ATOH8: variants seen among roughly 807,000 people sequenced by gnomAD.
The protein encoded by ATOH8 is atonal bHLH transcription factor 8.
A neutral mutation model predicts 21.2 loss-of-function variants in ATOH8; 9 were observed. The ratio of observed to expected loss-of-function variants is 0.42; its 90% confidence interval spans 0.26 to 0.74. The LOEUF is 0.74. Among genes scored for constraint, ATOH8 ranks in the 30% least tolerant of loss-of-function variants. The pLI, the probability that ATOH8 is intolerant of heterozygous loss-of-function variation, is 0.24. For synonymous variants in ATOH8, 253 were observed against 224.0 expected (o/e 1.13, Z -1.16); for missense variants, 524 against 470.9 (o/e 1.11, Z -1.04).
rs373548607 is a variant in ATOH8 at position 85,754,204 on chromosome 2, G to A, written c.15G>A (p.Pro5=). 208 of 1,595,482 alleles carry A rather than the reference G, an allele frequency of 1.3e-4. 3 individuals carry two copies. In the African/African-American group the frequency reaches 1.7e-3, roughly 13 times the overall value. MKHI[P]VLEDGPWKTV... ...CCGCCCGCGCCATGAAGCACATCCC[G>A]GTCCTCGAGGACGGGCCGTGGAAGA... Residue 5 remains proline (P), a synonymous_variant, in exon 1 of 3, where the codon CCG becomes CCA. Transcript: ENST00000306279.
intron 2 of ATOH8, among the ~76,000 whole-genome samples, chr2:85,782,118 A>G (rs1680512526): frequency 1.3e-5 from 2 of 152,288 alleles, no homozygotes. Context: ...CTCCCATGCC[A>G]TATCTGCTCT....
In ATOH8 at chr2:85,786,486, A is replaced by G. The variant is rs546257260; in HGVS notation, c.961-399A>G. ...CAGCGCAAGGAAGCTGCAGATGGCC[A>G]TTCCAGTGGGACTGAGCCTGCAGAG... On this transcript the variant is annotated intron_variant, in intron 2 of 2. Transcript: ENST00000306279. Among the ~76,000 whole-genome samples the G allele has an allele frequency of 3.0e-3, 461 of 152,292 alleles. 1 individual carries two copies. The highest frequency in any genetic ancestry group is 5.4e-3 in the Non-Finnish European group (365 of 68,010).
In ATOH8 at chr2:85,790,972, G is replaced by A. The variant is rs1429141292; in HGVS notation, c.*4082G>A. ...GAAACCCTTTGAGTGGATCTGTACC[G>A]TTGTTCTCGTCTTGCTCTCTTGCTG... On this transcript the variant is annotated 3_prime_UTR_variant, in exon 3 of 3. Transcript: ENST00000306279. Among the ~76,000 whole-genome samples, 4 of 152,312 alleles carry A rather than the reference G, an allele frequency of 2.6e-5. No individual in the cohort carries two copies. The highest frequency in any genetic ancestry group is 2.1e-4 in the South Asian group (1 of 4,826).
chr2:85,754,289 G>A lies in ATOH8; in HGVS notation c.100G>A (p.Ala34Thr). Residue 34 changes from alanine to threonine, a missense_variant, in exon 1 of 3, where the codon GCG (alanine) becomes ACG (threonine). Coordinates refer to ENST00000306279, the MANE Select transcript of ATOH8 (RefSeq NM_032827.7). ...KKLKRKGKEP[A>T]RRANGYKTFR... ...GCTCAAGCGGAAAGGCAAGGAGCCG[G>A]CGCGGCGCGCGAACGGCTATAAAAC... is the stretch of plus-strand genomic sequence containing the variant. The A allele has an allele frequency of 6.2e-7, 1 of 1,610,184 alleles. No homozygotes were observed. The highest frequency in any genetic ancestry group is 8.5e-7 in the Non-Finnish European group (1 of 1,178,920).
rs542750351 is a variant in ATOH8 at position 85,784,286 on chromosome 2, C to T, written c.961-2599C>T. Among the ~76,000 whole-genome samples the T allele has an allele frequency of 7.9e-5, 12 of 152,268 alleles. No homozygotes were observed. In the East Asian group the frequency reaches 2.3e-3, roughly 29 times the overall value. On this transcript the variant is annotated intron_variant, in intron 2 of 2. Transcript: ENST00000306279. ...GAAGGCTGGCTGCAGTGGCTCACACCTGTAAGTTTGGGAGGCTGAGGCGAG... is the reference window on the plus strand; with the variant it reads ...GAAGGCTGGCTGCAGTGGCTCACACTTGTAAGTTTGGGAGGCTGAGGCGAG...
intron 2 of ATOH8, chr2:85,773,129 C>A: frequency 3.1e-6 from 1 of 325,176 alleles, no homozygotes; most frequent in Non-Finnish European, 5.9e-6. Context: ...ACAATGTCTC[C>A]TCAGAGGGAG....
intron 2 of ATOH8, among the ~76,000 whole-genome samples, chr2:85,767,580 T>TTCCCTCCCCTGCCCTCCCCTCCCCTCC (rs1680052335): frequency 1.3e-5 from 1 of 79,234 alleles, no homozygotes; most frequent in Non-Finnish European, 2.5e-5. Flanking sequence ...CCCTCCCCTC[T>TTCCCTCCCCTGCCCTCCCCTCCCCTCC]CCTTCCCTTC....
chr2:85,788,880 G>C lies in ATOH8; in HGVS notation c.*1990G>C, dbSNP rs1404832434. Among the ~76,000 whole-genome samples, 1 of 152,166 alleles carries C rather than the reference G, an allele frequency of 6.6e-6. No homozygotes were observed. On this transcript the variant is annotated 3_prime_UTR_variant, in exon 3 of 3. Transcript: ENST00000306279. ...GGCACAGAAACAGGGGACCCAGGTG[G>C]CCCTGAGCACTCCTCAGAGCAAAGG... is the stretch of plus-strand genomic sequence containing the variant.
At chr2:85,761,617 CT>C (rs1259161051) in intron 1 of ATOH8, among the ~76,000 whole-genome samples, 1 of 152,182 alleles carries the variant, frequency 6.6e-6, no homozygotes, top group Admixed American at 6.5e-5. Flanking sequence ...AGAGCTGGGT[CT>C]TTAAGGGAAA....
At chr2:85,786,839 C>G in intron 2 of ATOH8, 46 bp from the exon 3 acceptor site, 1 of 1,613,520 alleles carries the variant, frequency 6.2e-7, no homozygotes, top group Non-Finnish European at 8.5e-7. Context: ...GAAACAGGAA[C>G]CAGGTGGAGC....
Position 85,781,147 on chromosome 2 carries a change from C to CT in ATOH8, c.961-5734dup, listed in dbSNP as rs540613167. 14 of 929,776 alleles carry CT rather than the reference C, an allele frequency of 1.5e-5. No individual in the cohort carries two copies. In the East Asian group the frequency reaches 1.4e-3, roughly 93 times the overall value. 57.6% of individuals were successfully genotyped at this position (929,776 alleles called of 1,614,324 possible). A position where few individuals can be genotyped will look rare whatever the true frequency, so the allele number is the denominator to read the frequency against. On this transcript the variant is annotated intron_variant, in intron 2 of 2. Coordinates refer to ENST00000306279, the MANE Select transcript of ATOH8 (RefSeq NM_032827.7). ...ATGCAGCTTGTACAGCGTAATTCCA[C>CT]TTTTCGTAAAATACTGTATGTGAGT...
At position 85,790,561 on chromosome 2, in the gene ATOH8, C is replaced by T. The variant is rs1309718390; in HGVS notation, c.*3671C>T. ...CTATGCTCCTTCCTGTCTCCATGGC[C>T]ACATCCTTCAAGGCTCTGTGCTGTT... is the stretch of plus-strand genomic sequence containing the variant. On this transcript the variant is annotated 3_prime_UTR_variant, in exon 3 of 3. Transcript: ENST00000306279. 6.6e-6 allele frequency among the ~76,000 whole-genome samples: 1 copy of T among 152,206 alleles called. No homozygotes were observed. Among genetic ancestry groups the T allele is most frequent in the African/African-American group, 2.4e-5 (1 of 41,458 alleles).
chr2:85,781,336 G>A (rs1413952602), intron 2 of ATOH8, among the ~76,000 whole-genome samples: 1 of 152,030 alleles, frequency 6.6e-6, no homozygotes. Flanking sequence ...GGAGGCTGAG[G>A]TGGGCGGATC....
At chr2:85,756,541 C>T (rs1346490773) in intron 1 of ATOH8, among the ~76,000 whole-genome samples, 6 of 152,132 alleles carry the variant, frequency 3.9e-5, no homozygotes, top group African/African-American at 1.4e-4. Context: ...CCCTTGTGCT[C>T]CTCTATTGCC....
intron 1 of ATOH8, among the ~76,000 whole-genome samples, chr2:85,763,571 G>T (rs1383213193): frequency 6.6e-6 from 1 of 152,102 alleles, no homozygotes; most frequent in Non-Finnish European, 1.5e-5. Context: ...ATTCATTGTT[G>T]CACTCCCCAA....
At chr2:85,762,104 C>G (rs965092650) in intron 1 of ATOH8, among the ~76,000 whole-genome samples, 1 of 152,158 alleles carries the variant, frequency 6.6e-6, no homozygotes, top group Non-Finnish European at 1.5e-5. Context: ...GCAAGACCAA[C>G]CATAATGCTT....
In ATOH8 at chr2:85,755,307, G is replaced by A. The variant is rs373722464; in HGVS notation, c.768+350G>A. Among the ~76,000 whole-genome samples the A allele has an allele frequency of 8.2e-4, 125 of 152,318 alleles. 4 individuals are homozygous for A. The South Asian group carries it at 0.02, about 25-fold the overall frequency. The stretch of plus-strand genomic sequence containing the variant: ...TGCGGAGTGGAGAGGGGAAATGTGG[G>A]AATCTGTCAGCGGAGGAAGGGGGGA... On this transcript the variant is annotated intron_variant, in intron 1 of 2. Transcript: ENST00000306279.
chr2:85,780,212 C>T (rs1375887394), intron 2 of ATOH8, among the ~76,000 whole-genome samples: 1 of 152,122 alleles, frequency 6.6e-6, no homozygotes, highest in Non-Finnish European at 1.5e-5. Context: ...AAGTAAGGGC[C>T]TGCAACACTG....
intron 1 of ATOH8, 54 bp downstream of exon 1, chr2:85,755,011 G>T: frequency 6.6e-7 from 1 of 1,514,726 alleles, no homozygotes; most frequent in Non-Finnish European, 8.8e-7. Flanking sequence ...CTGCGGGAAT[G>T]GGTGGGCGAG....
Sources: gnomAD v4.1 joint callset for allele counts (sites outside exome capture counted in the v4.1 genomes callset) on GRCh38, gnomAD v4.1.1 for gene constraint, MANE v1.5 for transcripts, NCBI Gene and HGNC (gene_info 2026-07-23, HGNC 2026-07-21) for gene names.